Variants in KIF26B observed in about 807,000 individuals in gnomAD.
KIF26B encodes the protein kinesin family member 26B.
KIF26B carries 63 observed loss-of-function variants against 151.2 expected under a neutral mutation model. The ratio of observed to expected loss-of-function variants is 0.42; its 90% CI spans 0.34 to 0.51. The LOEUF (loss-of-function observed/expected upper bound fraction) is 0.51. KIF26B is among the 20% of genes least tolerant of loss of function. KIF26B has a pLI of 0.07. For missense variants in KIF26B, 2,813 were observed against 2,913.6 expected (o/e 0.97, Z 0.79); for synonymous variants, 1,357 against 1,262.1 (o/e 1.08, Z -1.59).
chr1:245,288,688 T>G (rs1431453099), intron 2 of KIF26B, among the ~76,000 whole-genome samples: 2 of 152,206 alleles, frequency 1.3e-5, no homozygotes, highest in Admixed American at 6.5e-5. Flanking sequence ...TTTGTCTAGT[T>G]CCGTTACGTT....
At chr1:245,679,625 T>C (rs1433388892) in intron 10 of KIF26B, among the ~76,000 whole-genome samples, 4 of 151,982 alleles carry the variant, frequency 2.6e-5, no homozygotes, top group African/African-American at 9.6e-5. Context: ...CGCGCCACCA[T>C]GCCCAGATAA....
At chr1:245,493,848 GA>G (rs1558187691) in intron 4 of KIF26B, among the ~76,000 whole-genome samples, 1 of 152,212 alleles carries the variant, frequency 6.6e-6, no homozygotes, top group Non-Finnish European at 1.5e-5. Context: ...CAAGACTTAA[GA>G]GATCAAGATC....
chr1:245,676,149 G>T (rs570323655), intron 10 of KIF26B: 1 of 152,226 alleles, frequency 6.6e-6, no homozygotes, highest in East Asian at 1.9e-4. Context: ...GGAATTAGTG[G>T]ACTATTTCTT....
At chr1:245,605,407 C>T (rs1172891430) in intron 6 of KIF26B, among the ~76,000 whole-genome samples, 6 of 152,204 alleles carry the variant, frequency 3.9e-5, no homozygotes, top group South Asian at 4.1e-4. Context: ...CCTGTGAAGC[C>T]GCAGCCACTG....
intron 4 of KIF26B, among the ~76,000 whole-genome samples, chr1:245,452,512 C>T (rs12035798): frequency 0.24 from 36,238 of 151,920 alleles, 4,493 homozygotes; most frequent in East Asian, 0.31. Context: ...TTTGAGGAAC[C>T]GTCCAACTGT....
At position 245,590,842 on chromosome 1, in the gene KIF26B, C is replaced by T. The variant is rs1222252902; in HGVS notation, c.1351-11735C>T. Among the ~76,000 whole-genome samples the T allele has an allele frequency of 1.3e-4, 19 of 146,708 alleles. 1 individual carries two copies. Among genetic ancestry groups the T allele is most frequent in the Admixed American group, 1.2e-3 (18 of 14,430 alleles). ...AGGATCACTTGAGCCTGGGAGGCAG[C>T]GGTTGCAGTGAGCAGAGCTCACACC... On this transcript the variant is annotated intron_variant, in intron 5 of 14. Transcript: ENST00000407071.
chr1:245,226,655 G>A (rs1314527537), intron 2 of KIF26B, among the ~76,000 whole-genome samples: 1 of 152,058 alleles, frequency 6.6e-6, no homozygotes, highest in Non-Finnish European at 1.5e-5. Flanking sequence ...TAGAGATGGG[G>A]TTTCTCCATG....
intron 9 of KIF26B, among the ~76,000 whole-genome samples, chr1:245,640,882 T>C (rs2043884769): frequency 6.6e-6 from 1 of 152,190 alleles, no homozygotes; most frequent in African/African-American, 2.4e-5. Context: ...TCAAAAATTT[T>C]ATAGTTGTTA....
chr1:245,505,898 C>T (rs1030430186), intron 4 of KIF26B, among the ~76,000 whole-genome samples: 3 of 151,944 alleles, frequency 2.0e-5, no homozygotes, highest in African/African-American at 7.3e-5. Flanking sequence ...TCATTTTAAT[C>T]CTGGTGTCTT....
intron 4 of KIF26B, among the ~76,000 whole-genome samples, chr1:245,443,524 G>A (rs1300692312): frequency 3.0e-5 from 3 of 101,350 alleles, no homozygotes; most frequent in African/African-American, 9.9e-5. Flanking sequence ...TCATCCTGCG[G>A]TCATCTCCCT....
At chr1:245,378,547 A>AC (rs1291112718) in intron 3 of KIF26B, among the ~76,000 whole-genome samples, 1 of 151,734 alleles carries the variant, frequency 6.6e-6, no homozygotes, top group East Asian at 1.9e-4. Flanking sequence ...TCACTCAGCC[A>AC]CCCTCCCCAG....
At chr1:245,642,437 T>G (rs976483278) in intron 9 of KIF26B, among the ~76,000 whole-genome samples, 1 of 151,944 alleles carries the variant, frequency 6.6e-6, no homozygotes, top group Admixed American at 6.6e-5. Context: ...GCCGGGTGCC[T>G]GTAGTCCTAG....
chr1:245,520,647 TC>T (rs1661081012), intron 4 of KIF26B, among the ~76,000 whole-genome samples: 2 of 148,820 alleles, frequency 1.3e-5, no homozygotes, highest in Non-Finnish European at 3.0e-5. Context: ...CATCCATCCA[TC>T]CATCCATCCA....
chr1:245,195,316 C>T (rs893835853), intron 2 of KIF26B, among the ~76,000 whole-genome samples: 7 of 152,128 alleles, frequency 4.6e-5, no homozygotes, highest in Non-Finnish European at 8.8e-5. Flanking sequence ...TTTGGGGAGT[C>T]GTAGTCTTTC....
chr1:245,174,077 A>G (rs1668761602), intron 2 of KIF26B, among the ~76,000 whole-genome samples: 1 of 152,252 alleles, frequency 6.6e-6, no homozygotes. Flanking sequence ...TACTATAATT[A>G]CATCGCACAT....
At chr1:245,248,297 G>A (rs765130861) in intron 2 of KIF26B, among the ~76,000 whole-genome samples, 14 of 152,192 alleles carry the variant, frequency 9.2e-5, no homozygotes, top group Non-Finnish European at 2.1e-4. Context: ...AGGACTGAGA[G>A]CCAGCGTTCA....
rs150579306 is a variant in KIF26B, at chr1:245,237,420, C to T, written c.465+80737C>T. Among the ~76,000 whole-genome samples the T allele has an allele frequency of 1.1e-3, 167 of 152,186 alleles. 1 individual carries two copies. The highest frequency in any genetic ancestry group is 3.5e-3 in the African/African-American group (145 of 41,498). On this transcript the variant is annotated intron_variant, in intron 2 of 14. Coordinates refer to ENST00000407071, the MANE Select transcript of KIF26B (RefSeq NM_018012.4). ...AGCCATCTGGATGGAGTTTTTGTAACGGGAAAGTGCTCCTCCAGCACCCAG... is the reference window on the plus strand; with the variant it reads ...AGCCATCTGGATGGAGTTTTTGTAATGGGAAAGTGCTCCTCCAGCACCCAG...
At chr1:245,614,453 G>A (rs543466249) in intron 9 of KIF26B, among the ~76,000 whole-genome samples, 5 of 152,358 alleles carry the variant, frequency 3.3e-5, no homozygotes, top group South Asian at 4.1e-4. Context: ...GATTACAGGC[G>A]TGAGCCACCG....
intron 11 of KIF26B, 79 bp downstream of exon 11, chr1:245,684,474 C>A: frequency 1.4e-6 from 2 of 1,394,738 alleles, no homozygotes; most frequent in Non-Finnish European, 1.9e-6. Context: ...CAGAAAAAGC[C>A]AAATCAACGT....
Sources: gnomAD v4.1 joint callset for allele counts (sites outside exome capture counted in the v4.1 genomes callset) on GRCh38, gnomAD v4.1.1 for gene constraint, MANE v1.5 for transcripts, NCBI Gene and HGNC (gene_info 2026-07-23, HGNC 2026-07-21) for gene names.